APBB2: variants seen among roughly 807,000 people sequenced by gnomAD.
The protein encoded by APBB2 is Fe65-like 1.
Under a neutral mutation model 82.5 loss-of-function variants are expected in APBB2, and 38 were observed. The ratio of observed to expected loss-of-function variants is 0.46; its 90% CI spans 0.36 to 0.60. The LOEUF is 0.60. APBB2 is among the 20% of genes least tolerant of loss of function. APBB2 has a pLI of 0.00. For missense variants in APBB2, 772 were observed against 972.3 expected, an observed-to-expected ratio of 0.79 and a Z score of 2.74; for synonymous variants, 341 against 368.2, an observed-to-expected ratio of 0.93 and a Z score of 0.85.
In APBB2 at chr4:40,826,773, C is replaced by A; in HGVS notation, c.1732+359G>T. On this transcript the variant is annotated intron_variant, in intron 14 of 17. Coordinates refer to ENST00000508593, the MANE Select transcript of APBB2 (RefSeq NM_004307.2). This position sits in a 1 kb window ranked among gnomAD's most constrained non-coding sequence, Gnocchi z 4.5. ...ACTACCTTCAGACCAGCCCAACCCA[C>A]GTGTTTTTAAACCAGCCAGGGTCCT... The A allele has an allele frequency of 5.0e-6, 1 of 199,280 alleles. No individual in the cohort carries two copies. Among genetic ancestry groups the A allele is most frequent in the Non-Finnish European group, 1.0e-5 (1 of 97,332 alleles). 12.3% of individuals were successfully genotyped at this position (199,280 alleles called of 1,614,324 possible). A position where few individuals can be genotyped will look rare whatever the true frequency, so the allele number is the denominator to read the frequency against.
intron 4 of APBB2, among the ~76,000 whole-genome samples, chr4:41,039,878 AT>A (rs765177360): frequency 6.7e-6 from 1 of 150,150 alleles, no homozygotes; most frequent in African/African-American, 2.4e-5. Flanking sequence ...TGCTGTTGTT[AT>A]TTTTTTCTCA....
intron 6 of APBB2, among the ~76,000 whole-genome samples, chr4:40,991,277 A>G (rs1419718884): frequency 6.8e-6 from 1 of 145,992 alleles, no homozygotes; most frequent in African/African-American, 2.6e-5. Flanking sequence ...TTGGCCTCCC[A>G]AAGTGCTAGG....
At chr4:41,175,484 G>A (rs142317882) in intron 1 of APBB2, among the ~76,000 whole-genome samples, 24 of 152,118 alleles carry the variant, frequency 1.6e-4, no homozygotes, top group East Asian at 5.8e-4. Flanking sequence ...GTCCACAAAA[G>A]ATTGGAAATA....
intron 12 of APBB2, among the ~76,000 whole-genome samples, chr4:40,874,950 T>A (rs759141421): frequency 4.6e-5 from 7 of 151,524 alleles, no homozygotes; most frequent in Non-Finnish European, 7.4e-5. Context: ...GTTAAAAGAG[T>A]AGTAAAGAAA....
chr4:41,090,528 T>C (rs1489611723), intron 3 of APBB2, among the ~76,000 whole-genome samples: 1 of 152,244 alleles, frequency 6.6e-6, no homozygotes, highest in Non-Finnish European at 1.5e-5. Flanking sequence ...CATCAGACAC[T>C]AGTCTGCTAT....
intron 10 of APBB2, among the ~76,000 whole-genome samples, chr4:40,926,070 G>T (rs1433878207): frequency 6.6e-6 from 1 of 152,192 alleles, no homozygotes; most frequent in Non-Finnish European, 1.5e-5. Context: ...CTGCGAACTG[G>T]TTGCAAATGG....
intron 10 of APBB2, among the ~76,000 whole-genome samples, chr4:40,907,369 ATATATATATATTTTT>A (rs1411529203): frequency 1.1e-5 from 1 of 87,384 alleles, no homozygotes; most frequent in African/African-American, 5.4e-5. Context: ...ATATATATAT[ATATATATATATTTTT>A]TTTTTTTTTT....
chr4:40,943,054 C>T (rs1366545376), intron 7 of APBB2, among the ~76,000 whole-genome samples: 3 of 152,218 alleles, frequency 2.0e-5, no homozygotes, highest in African/African-American at 7.2e-5. Flanking sequence ...AAAACTGTCT[C>T]TCAAAGTCAG....
intron 3 of APBB2, among the ~76,000 whole-genome samples, chr4:41,070,258 A>C (rs1490321651): frequency 6.6e-6 from 1 of 152,122 alleles, no homozygotes. Context: ...TTCTTTTATA[A>C]TAAAAGAAGC....
intron 7 of APBB2, among the ~76,000 whole-genome samples, chr4:40,942,189 C>T (rs751724490): frequency 6.6e-6 from 1 of 152,120 alleles, no homozygotes; most frequent in Non-Finnish European, 1.5e-5. Context: ...GGGGGAGAAA[C>T]ACGTGTATTA....
chr4:40,934,576 C>T (rs1784950981), intron 9 of APBB2, 38 bp downstream of exon 9: 3 of 1,610,472 alleles, frequency 1.9e-6, no homozygotes, highest in Admixed American at 1.7e-5. Context: ...TGCACAAAGC[C>T]ATACATTGAC....
chr4:41,027,404 T>TAA (rs1553915201), intron 5 of APBB2, among the ~76,000 whole-genome samples: 403 of 130,522 alleles, frequency 3.1e-3, no homozygotes, highest in Non-Finnish European at 4.2e-3. Context: ...TATATATATA[T>TAA]AACATTTTCA....
chr4:41,089,840 T>C (rs532538660), intron 3 of APBB2, among the ~76,000 whole-genome samples: 59 of 152,290 alleles, frequency 3.9e-4, no homozygotes, highest in African/African-American at 1.2e-3. Flanking sequence ...TCATAAAATA[T>C]TGATATGGAA....
intron 7 of APBB2, 116 bp from the exon 8 acceptor site, chr4:40,935,255 T>A: frequency 1.3e-6 from 1 of 758,996 alleles, no homozygotes; most frequent in Non-Finnish European, 2.1e-6. Flanking sequence ...ACAAGATGGG[T>A]TAGGGAACAA....
rs1326064529 is a variant in APBB2, at chr4:41,214,468, T to G, written c.-480A>C. ...AGCGGCTCTGCTCCAGTCTCGCCCTTCCCGGAGCGCCCAGATCAGATGCGG... is the reference window on the plus strand; with the variant it reads ...AGCGGCTCTGCTCCAGTCTCGCCCTGCCCGGAGCGCCCAGATCAGATGCGG... On this transcript the variant is annotated 5_prime_UTR_variant, in exon 1 of 18. Coordinates refer to ENST00000508593, the MANE Select transcript of APBB2 (RefSeq NM_004307.2). 6.6e-6 allele frequency: 1 copy of G among 152,414 alleles called. No homozygotes were observed. The highest frequency in any genetic ancestry group is 1.5e-5 in the Non-Finnish European group (1 of 68,222). 9.4% of individuals were successfully genotyped at this position (152,414 alleles called of 1,614,324 possible).
intron 10 of APBB2, among the ~76,000 whole-genome samples, chr4:40,923,882 C>T (rs1285521720): frequency 6.6e-6 from 1 of 152,242 alleles, no homozygotes; most frequent in African/African-American, 2.4e-5. Flanking sequence ...TAACACCGTG[C>T]TTCTGCCAGG....
chr4:41,013,535 AT>A, intron 6 of APBB2, 47 bp downstream of exon 6: 1 of 1,494,142 alleles, frequency 6.7e-7, no homozygotes, highest in South Asian at 1.2e-5. Flanking sequence ...AGTTGAAAAG[AT>A]AAAAAAAAAA....
chr4:41,190,164 T>C (rs1156634343), intron 1 of APBB2, among the ~76,000 whole-genome samples: 1 of 151,362 alleles, frequency 6.6e-6, no homozygotes, highest in Non-Finnish European at 1.5e-5. Context: ...TAGTTTAACA[T>C]ACTGCTTAGT....
chr4:41,135,757 G>C (rs1205978020), intron 2 of APBB2, among the ~76,000 whole-genome samples: 1 of 152,176 alleles, frequency 6.6e-6, no homozygotes, highest in Non-Finnish European at 1.5e-5. Context: ...TCCAAACTCT[G>C]TTAATGTATT....
Sources: allele counts gnomAD v4.1 joint callset (sites outside exome capture counted in the v4.1 genomes callset), GRCh38; gene constraint gnomAD v4.1.1; non-coding constraint Gnocchi (gnomAD v3.1); transcripts MANE v1.5; gene names NCBI Gene and HGNC (gene_info 2026-07-23, HGNC 2026-07-21).